The following DAP variants were observed in gnomAD, a reference collection of about 807,000 sequenced individuals.
The protein encoded by DAP is death-associated protein 1.
A neutral mutation model predicts 13.8 loss-of-function variants in DAP; 8 were observed. The observed-to-expected ratio is 0.58, with a 90% confidence interval of 0.34 to 1.05. The LOEUF is 1.05. DAP is among the 50% of genes least tolerant of loss of function. DAP has a pLI of 0.03. For synonymous variants in DAP, 47 were observed against 47.5 expected (o/e 0.99, Z 0.04); for missense variants, 106 against 133.2 (o/e 0.80, Z 1.01).
chr5:10,687,905 CTTTTT>C (rs1199947263), intron 2 of DAP, among the ~76,000 whole-genome samples: 5,463 of 110,594 alleles, frequency 0.049, 161 homozygotes, highest in South Asian at 0.095. Flanking sequence ...TCATTGTTGT[CTTTTT>C]TTTTTTTTTT....
At chr5:10,735,675 C>T (rs1419201219) in intron 2 of DAP, among the ~76,000 whole-genome samples, 1 of 152,172 alleles carries the variant, frequency 6.6e-6, no homozygotes, top group Non-Finnish European at 1.5e-5. Flanking sequence ...ACACAGCATG[C>T]CCTTGGTCAG....
rs1467513502 is a variant in DAP, at chr5:10,680,839, C to T, written c.*217G>A. The stretch of plus-strand genomic sequence containing the variant: ...TGGCACCTCTAGGGGCACAATGATC[C>T]TCAAATGACATCCAACCAGACTCCC... On this transcript the variant is annotated 3_prime_UTR_variant, in exon 4 of 4. Transcript: ENST00000230895. The T allele has an allele frequency of 6.5e-7, 1 of 1,536,900 alleles. No individual in the cohort carries two copies. Among genetic ancestry groups the T allele is most frequent in the South Asian group, 1.2e-5 (1 of 84,066 alleles).
chr5:10,703,426 G>A (rs1738627686), intron 2 of DAP, among the ~76,000 whole-genome samples: 2 of 152,104 alleles, frequency 1.3e-5, no homozygotes, highest in African/African-American at 2.4e-5. Flanking sequence ...TCACCGACTC[G>A]CATGTGGGCA....
chr5:10,726,058 A>C (rs2126662672), intron 2 of DAP, among the ~76,000 whole-genome samples: 1 of 152,370 alleles, frequency 6.6e-6, no homozygotes, highest in Middle Eastern at 3.4e-3. Flanking sequence ...CCAAGGACCG[A>C]TTAAGTTGAG....
intron 2 of DAP, among the ~76,000 whole-genome samples, chr5:10,686,846 T>G (rs1738169558): frequency 6.6e-6 from 1 of 152,256 alleles, no homozygotes; most frequent in Admixed American, 6.5e-5. Context: ...TTTTCAATGT[T>G]GACAAAACAG....
intron 2 of DAP, among the ~76,000 whole-genome samples, chr5:10,708,442 GAC>G (rs3836780): frequency 0.51 from 74,580 of 147,664 alleles, 20,754 homozygotes; most frequent in Non-Finnish European, 0.64. Context: ...ACACATATCA[GAC>G]ACACACACAC....
intron 2 of DAP, among the ~76,000 whole-genome samples, chr5:10,729,566 T>C (rs972565058): frequency 7.2e-5 from 11 of 152,200 alleles, no homozygotes; most frequent in African/African-American, 2.2e-4. Flanking sequence ...AGTTAGAGGT[T>C]TTGTCAAATT....
intron 1 of DAP, among the ~76,000 whole-genome samples, chr5:10,758,175 TTGA>T (rs1171968297): frequency 1.3e-5 from 2 of 152,084 alleles, no homozygotes; most frequent in East Asian, 3.9e-4. Flanking sequence ...TTGGCTATCC[TTGA>T]TGATTATCCT....
intron 2 of DAP, among the ~76,000 whole-genome samples, chr5:10,709,456 C>G (rs1484533915): frequency 2.6e-5 from 4 of 152,222 alleles, no homozygotes; most frequent in Non-Finnish European, 5.9e-5. Flanking sequence ...AATCCCACCA[C>G]TGGGGAGAGC....
intron 2 of DAP, among the ~76,000 whole-genome samples, chr5:10,691,141 T>C (rs1738297255): frequency 6.6e-6 from 1 of 152,178 alleles, no homozygotes. Context: ...CCAAAATTCT[T>C]CTCTAAAACT....
chr5:10,751,632 A>C (rs1045778893), intron 1 of DAP, among the ~76,000 whole-genome samples: 1 of 152,238 alleles, frequency 6.6e-6, no homozygotes, highest in Non-Finnish European at 1.5e-5. Flanking sequence ...ACATACCCTT[A>C]AATTGTAATT....
chr5:10,688,391 ATTAAG>A (rs969167524), intron 2 of DAP, among the ~76,000 whole-genome samples: 8 of 150,768 alleles, frequency 5.3e-5, no homozygotes, highest in Non-Finnish European at 1.0e-4. Context: ...AAAATTTTAA[ATTAAG>A]TTATGCATTG....
rs1403936872 is a variant in DAP, at chr5:10,680,934, C to T, written c.*122G>A. ...GAAATGTAAGGCAAAGGACAGAGCA[C>T]TTGGTTTTGCCTTAGATTTCCCAGC... On this transcript the variant is annotated 3_prime_UTR_variant, in exon 4 of 4. Transcript: ENST00000230895. The T allele has an allele frequency of 2.6e-6, 4 of 1,539,562 alleles. No homozygotes were observed. The highest frequency in any genetic ancestry group is 1.7e-6 in the Non-Finnish European group (2 of 1,146,968).
intron 2 of DAP, among the ~76,000 whole-genome samples, chr5:10,700,342 C>T (rs985606724): frequency 1.3e-5 from 2 of 152,148 alleles, no homozygotes; most frequent in African/African-American, 2.4e-5. Context: ...GGAGAACTGC[C>T]ACCACCATCT....
At chr5:10,687,961 G>A (rs6898368) in intron 2 of DAP, among the ~76,000 whole-genome samples, 1,625 of 145,912 alleles carry the variant, frequency 0.011, 23 homozygotes, top group African/African-American at 0.038. Context: ...TGTTGCCCAG[G>A]CTGGAGTACA....
intron 2 of DAP, among the ~76,000 whole-genome samples, chr5:10,716,395 G>C (rs1738992183): frequency 6.6e-6 from 1 of 152,132 alleles, no homozygotes. Flanking sequence ...GTGATGGTTA[G>C]TACTGAGTGT....
chr5:10,689,561 A>T (rs1040681480), intron 2 of DAP, among the ~76,000 whole-genome samples: 7 of 152,218 alleles, frequency 4.6e-5, no homozygotes, highest in Non-Finnish European at 8.8e-5. Context: ...GATTCTGCTC[A>T]TAAAGACAGA....
intron 2 of DAP, among the ~76,000 whole-genome samples, chr5:10,689,493 G>GAGAT (rs1472040185): frequency 5.9e-5 from 9 of 152,220 alleles, no homozygotes; most frequent in Non-Finnish European, 8.8e-5. Flanking sequence ...CAAATTCACG[G>GAGAT]AGATAGCTCC....
intron 2 of DAP, among the ~76,000 whole-genome samples, chr5:10,744,462 C>T (rs1327520173): frequency 2.0e-5 from 3 of 152,204 alleles, no homozygotes; most frequent in East Asian, 3.8e-4. Flanking sequence ...AATTAGACCA[C>T]CTACTGACGG....
Sources: gnomAD v4.1 joint callset for allele counts (sites outside exome capture counted in the v4.1 genomes callset) on GRCh38, gnomAD v4.1.1 for gene constraint, MANE v1.5 for transcripts, NCBI Gene and HGNC (gene_info 2026-07-23, HGNC 2026-07-21) for gene names.